The following ROBO2 variants were observed in gnomAD, a reference collection of about 807,000 sequenced individuals.
The protein encoded by ROBO2 is roundabout guidance receptor 2.
Under a neutral mutation model 160.8 loss-of-function variants are expected in ROBO2, and 53 were observed. The observed-to-expected ratio is 0.33, with a 90% CI of 0.26 to 0.41. The LOEUF is 0.41. Among genes scored for constraint, ROBO2 ranks in the 10% least tolerant of loss-of-function variants. ROBO2 has a pLI of 1.00. For synonymous variants in ROBO2, 664 were observed against 611.7 expected (o/e 1.09, Z -1.26); for missense variants, 1,577 against 1,722.4 (o/e 0.92, Z 1.49).
At chr3:76,284,945 C>A (rs1460558083) in intron 2 of ROBO2, among the ~76,000 whole-genome samples, 2 of 152,138 alleles carry the variant, frequency 1.3e-5, no homozygotes, top group Non-Finnish European at 2.9e-5. Context: ...TGTTTTCCCA[C>A]TGCTCTTTTC....
chr3:76,254,807 C>T (rs1165362743), intron 2 of ROBO2, among the ~76,000 whole-genome samples: 4 of 151,634 alleles, frequency 2.6e-5, no homozygotes, highest in African/African-American at 7.3e-5. Context: ...GTTTCAACAT[C>T]GATCAATATC....
chr3:76,896,215 C>A (rs748951201), intron 2 of ROBO2, among the ~76,000 whole-genome samples: 1 of 152,134 alleles, frequency 6.6e-6, no homozygotes, highest in Non-Finnish European at 1.5e-5. Flanking sequence ...GAAAACATTT[C>A]TATTTAGAGA....
In ROBO2 at chr3:76,427,452, A is replaced by G. The variant is rs114464063; in HGVS notation, c.109+489850A>G. Reference sequence around the variant, plus strand: ...GATGCACTTTAAAATTTTGAAGACTACTACAAATGTAAGGACAGCAAAGGG... The same window carrying G: ...GATGCACTTTAAAATTTTGAAGACTGCTACAAATGTAAGGACAGCAAAGGG... On this transcript the variant is annotated intron_variant, in intron 2 of 26. Coordinates refer to the ROBO2 transcript ENST00000487694. Among the ~76,000 whole-genome samples the G allele has an allele frequency of 1.2e-3, 180 of 152,254 alleles. 2 individuals carry two copies. The highest frequency in any genetic ancestry group is 4.2e-3 in the African/African-American group (173 of 41,572).
At chr3:76,156,373 C>G (rs1190781544) in intron 2 of ROBO2, among the ~76,000 whole-genome samples, 1 of 152,092 alleles carries the variant, frequency 6.6e-6, no homozygotes, top group Non-Finnish European at 1.5e-5. Flanking sequence ...CAAAAGAAGC[C>G]ATATAGTACA....
At chr3:76,147,605 C>T (rs985504625) in intron 2 of ROBO2, among the ~76,000 whole-genome samples, 26 of 151,954 alleles carry the variant, frequency 1.7e-4, no homozygotes, top group African/African-American at 6.3e-4. Flanking sequence ...ATAGCTGGTT[C>T]CATAACATAT....
At chr3:76,642,687 T>C (rs1006289904) in intron 2 of ROBO2, among the ~76,000 whole-genome samples, 11 of 152,044 alleles carry the variant, frequency 7.2e-5, no homozygotes, top group African/African-American at 2.7e-4. Flanking sequence ...ACATGCTGGG[T>C]ACTACAACAT....
At chr3:77,435,159 A>T (rs2079153866) in intron 2 of ROBO2, among the ~76,000 whole-genome samples, 1 of 151,952 alleles carries the variant, frequency 6.6e-6, no homozygotes, top group Non-Finnish European at 1.5e-5. Flanking sequence ...TTTATTAATA[A>T]AATAAATTTG....
chr3:76,617,480 T>C (rs550636937), intron 2 of ROBO2, among the ~76,000 whole-genome samples: 246 of 152,340 alleles, frequency 1.6e-3, no homozygotes, highest in Non-Finnish European at 2.9e-3. Context: ...TTTATTGTTG[T>C]TACTGTTACA....
At position 76,772,933 on chromosome 3, in the gene ROBO2, C is replaced by T. The variant is rs192694802; in HGVS notation, c.110-325081C>T. ...GTGCACTTTCTGTTTCATCATAGTG[C>T]GTTAAAATTTTGGCATCGATGGAAA... On this transcript the variant is annotated intron_variant, in intron 2 of 26. Transcript: ENST00000487694. Among the ~76,000 whole-genome samples, 88 of 151,126 alleles carry T rather than the reference C, an allele frequency of 5.8e-4. 1 individual carries two copies. The highest frequency in any genetic ancestry group is 2.1e-3 in the African/African-American group (85 of 41,402).
intron 23 of ROBO2, chr3:77,629,659 A>T (rs183094259): frequency 1.3e-5 from 2 of 152,200 alleles, no homozygotes; most frequent in African/African-American, 4.8e-5. Flanking sequence ...TATATCACAT[A>T]TATGTATACT....
intron 2 of ROBO2, among the ~76,000 whole-genome samples, chr3:76,106,887 C>A (rs1297279451): frequency 6.6e-6 from 1 of 152,064 alleles, no homozygotes; most frequent in Non-Finnish European, 1.5e-5. Flanking sequence ...TTGTTTGCTA[C>A]CACAAGGGGT....
intron 2 of ROBO2, among the ~76,000 whole-genome samples, chr3:76,348,149 A>G (rs974821355): frequency 6.6e-6 from 1 of 151,656 alleles, no homozygotes; most frequent in African/African-American, 2.4e-5. Context: ...ACACACAGTC[A>G]GTATCAGTCT....
intron 2 of ROBO2, among the ~76,000 whole-genome samples, chr3:76,973,577 A>G (rs1031403887): frequency 1.3e-5 from 2 of 152,098 alleles, no homozygotes; most frequent in African/African-American, 4.8e-5. Context: ...TATCAATAGC[A>G]TTGTCTTCAT....
At chr3:77,513,140 T>C (rs2089608987) in intron 5 of ROBO2, among the ~76,000 whole-genome samples, 1 of 151,898 alleles carries the variant, frequency 6.6e-6, no homozygotes, top group Non-Finnish European at 1.5e-5. Context: ...AGGCTTGAAC[T>C]GAGCATGATA....
intron 2 of ROBO2, among the ~76,000 whole-genome samples, chr3:76,730,299 A>C (rs1332137857): frequency 5.1e-5 from 3 of 58,362 alleles, no homozygotes; most frequent in Admixed American, 1.9e-4. Flanking sequence ...CTCACCTCCT[A>C]CTCCCTACCC....
At chr3:77,352,545 T>A (rs1158055208) in intron 2 of ROBO2, among the ~76,000 whole-genome samples, 1 of 151,232 alleles carries the variant, frequency 6.6e-6, no homozygotes, top group Non-Finnish European at 1.5e-5. Flanking sequence ...TTCTTGTTCA[T>A]TTGGTAAGCC....
intron 2 of ROBO2, among the ~76,000 whole-genome samples, chr3:77,304,280 T>G (rs879918627): frequency 2.0e-5 from 3 of 152,206 alleles, no homozygotes; most frequent in Middle Eastern, 3.4e-3. Flanking sequence ...TTTAATAGTT[T>G]AAAACAAAAA....
chr3:76,829,444 A>G (rs1374160288), intron 2 of ROBO2, among the ~76,000 whole-genome samples: 1 of 152,078 alleles, frequency 6.6e-6, no homozygotes, highest in Non-Finnish European at 1.5e-5. Context: ...AAACCTGCAC[A>G]TTCTGCACAT....
intron 4 of ROBO2, among the ~76,000 whole-genome samples, chr3:77,489,306 G>C (rs1037666102): frequency 6.6e-6 from 1 of 152,130 alleles, no homozygotes; most frequent in South Asian, 2.1e-4. Context: ...GCCAATGTCA[G>C]ACTTCCAAAA....
Sources: gnomAD v4.1 joint callset for allele counts (sites outside exome capture counted in the v4.1 genomes callset) on GRCh38, gnomAD v4.1.1 for gene constraint, MANE v1.5 for transcripts, NCBI Gene and HGNC (gene_info 2026-07-23, HGNC 2026-07-21) for gene names.